Variants in EIF3H observed in about 807,000 individuals in gnomAD.
EIF3H encodes the protein eIF-3-gamma.
Under a neutral mutation model 44.2 loss-of-function variants are expected in EIF3H, and 26 were observed. The ratio of observed to expected loss-of-function variants is 0.59; its 90% confidence interval spans 0.43 to 0.82. EIF3H has a LOEUF of 0.82. EIF3H is among the 40% of genes least tolerant of loss of function. The pLI is 0.00. For missense variants in EIF3H, 359 were observed against 432.8 expected (o/e 0.83, Z 1.51); for synonymous variants, 166 against 151.9 (o/e 1.09, Z -0.68).
chr8:116,732,793 A>C (rs1814973282), intron 1 of EIF3H, among the ~76,000 whole-genome samples: 2 of 152,206 alleles, frequency 1.3e-5, no homozygotes, highest in East Asian at 3.9e-4. Flanking sequence ...TATTTTTAGA[A>C]CAGCAAGTCT....
At chr8:116,667,072 A>G (rs1186159091) in intron 2 of EIF3H, among the ~76,000 whole-genome samples, 1 of 152,200 alleles carries the variant, frequency 6.6e-6, no homozygotes, top group Non-Finnish European at 1.5e-5. Context: ...AAAACATCTT[A>G]ATTAGAATAT....
chr8:116,751,957 C>T (rs565699170), intron 1 of EIF3H, among the ~76,000 whole-genome samples: 1 of 152,254 alleles, frequency 6.6e-6, no homozygotes, highest in East Asian at 1.9e-4. Context: ...GTACTTTTAT[C>T]AACTTCGTTA....
At chr8:116,750,870 C>T (rs1011793886) in intron 1 of EIF3H, among the ~76,000 whole-genome samples, 1 of 152,068 alleles carries the variant, frequency 6.6e-6, no homozygotes, top group Non-Finnish European at 1.5e-5. Context: ...CTGAAAACAT[C>T]TAAGGAAAGA....
intron 2 of EIF3H, among the ~76,000 whole-genome samples, chr8:116,663,783 T>C (rs1213304725): frequency 6.6e-6 from 1 of 151,808 alleles, no homozygotes; most frequent in East Asian, 1.9e-4. Flanking sequence ...ATACAAAAAT[T>C]AGCCAGGCGT....
chr8:116,697,600 A>G (rs1814290615), intron 2 of EIF3H, among the ~76,000 whole-genome samples: 1 of 152,204 alleles, frequency 6.6e-6, no homozygotes, highest in South Asian at 2.1e-4. Context: ...ATTATGTTAC[A>G]AATTTATGTT....
At chr8:116,672,487 G>A (rs1475356093) in intron 2 of EIF3H, among the ~76,000 whole-genome samples, 7 of 152,062 alleles carry the variant, frequency 4.6e-5, no homozygotes, top group Non-Finnish European at 7.4e-5. Flanking sequence ...AGGCATGGTG[G>A]CTGTAGTCCT....
intron 6 of EIF3H, among the ~76,000 whole-genome samples, chr8:116,647,292 G>T (rs1329651130): frequency 6.6e-6 from 1 of 152,012 alleles, no homozygotes. Context: ...AGTACAGACA[G>T]GATTTTACCA....
chr8:116,644,685 C>T lies in EIF3H; in HGVS notation c.*321G>A, dbSNP rs1468901052. The T allele has an allele frequency of 2.1e-5, 5 of 232,976 alleles. No homozygotes were observed. Among genetic ancestry groups the T allele is most frequent in the Admixed American group, 1.0e-4 (2 of 19,320 alleles). The allele number at this position is 232,976 out of a possible 1,614,324, so 14.4% of individuals were successfully genotyped here. A position where few individuals can be genotyped will look rare whatever the true frequency, so the allele number is the denominator to read the frequency against. On this transcript the variant is annotated 3_prime_UTR_variant, in exon 8 of 8. Transcript: ENST00000521861. Reference sequence around the variant, plus strand: ...GGAGAAGTGGGTTGAAAGGTGGCACCTGAGAGGCAGCAAAAGTGGTGGAGC... The same window carrying T: ...GGAGAAGTGGGTTGAAAGGTGGCACTTGAGAGGCAGCAAAAGTGGTGGAGC...
At position 116,644,592 on chromosome 8, in the gene EIF3H, A is replaced by C. The variant is rs1813270069; in HGVS notation, c.*414T>G. ...CTCATTTGGGAGCAGCGAAGTATAA[A>C]AATTCAAAAAAAAAATATTCACAGT... On this transcript the variant is annotated 3_prime_UTR_variant, in exon 8 of 8. Coordinates refer to ENST00000521861, the MANE Select transcript of EIF3H (RefSeq NM_003756.3). The C allele has an allele frequency of 6.4e-6, 1 of 156,720 alleles. No homozygotes were observed. The highest frequency in any genetic ancestry group is 6.4e-5 in the Admixed American group (1 of 15,738). 9.7% of individuals were successfully genotyped at this position (156,720 alleles called of 1,614,324 possible). A position where few individuals can be genotyped will look rare whatever the true frequency, so the allele number is the denominator to read the frequency against.
chr8:116,676,593 T>C (rs1813851376), intron 2 of EIF3H, among the ~76,000 whole-genome samples: 1 of 152,164 alleles, frequency 6.6e-6, no homozygotes, highest in Non-Finnish European at 1.5e-5. Context: ...ATTATGGGGA[T>C]TACAATTCAA....
chr8:116,666,176 T>A (rs1159648168), intron 2 of EIF3H, among the ~76,000 whole-genome samples: 1 of 152,180 alleles, frequency 6.6e-6, no homozygotes, highest in Non-Finnish European at 1.5e-5. Context: ...AAATATTTTT[T>A]AAAATAATGG....
chr8:116,702,923 C>T (rs10089815), intron 2 of EIF3H, among the ~76,000 whole-genome samples: 82,517 of 151,842 alleles, frequency 0.54, 24,424 homozygotes, highest in Non-Finnish European at 0.67. Flanking sequence ...AAAACTGTTC[C>T]ACCTCAGATC....
At chr8:116,673,753 C>T (rs567815252) in intron 2 of EIF3H, among the ~76,000 whole-genome samples, 34 of 152,060 alleles carry the variant, frequency 2.2e-4, no homozygotes, top group Non-Finnish European at 4.0e-4. Context: ...TCATGCCACA[C>T]GTTTTTCATT....
intron 2 of EIF3H, among the ~76,000 whole-genome samples, chr8:116,716,241 C>T (rs1259818669): frequency 1.3e-5 from 2 of 152,090 alleles, no homozygotes; most frequent in African/African-American, 4.8e-5. Flanking sequence ...CTATGTTGCA[C>T]AGCTCCAAAG....
At chr8:116,653,398 G>A (rs933402480) in intron 5 of EIF3H, among the ~76,000 whole-genome samples, 7 of 132,690 alleles carry the variant, frequency 5.3e-5, no homozygotes, top group African/African-American at 1.7e-4. Flanking sequence ...CCTTAAAAGG[G>A]CATCAGAAAT....
intron 1 of EIF3H, among the ~76,000 whole-genome samples, chr8:116,753,369 G>C (rs1815390111): frequency 6.6e-6 from 1 of 152,020 alleles, no homozygotes; most frequent in Admixed American, 6.6e-5. Flanking sequence ...CTCTTATTAT[G>C]ATTGATTTTG....
At chr8:116,743,571 C>T (rs1203997108) in intron 1 of EIF3H, among the ~76,000 whole-genome samples, 3 of 151,790 alleles carry the variant, frequency 2.0e-5, no homozygotes, top group Admixed American at 6.6e-5. Flanking sequence ...TGGCGAAACC[C>T]CATCTCTACT....
intron 2 of EIF3H, among the ~76,000 whole-genome samples, chr8:116,714,288 C>T (rs1025183352): frequency 1.3e-5 from 2 of 152,084 alleles, no homozygotes; most frequent in Non-Finnish European, 2.9e-5. Flanking sequence ...TCTATAGAAT[C>T]AAACTTCACC....
chr8:116,663,189 T>G (rs900350700), intron 2 of EIF3H, among the ~76,000 whole-genome samples: 3 of 151,894 alleles, frequency 2.0e-5, no homozygotes, highest in African/African-American at 7.3e-5. Flanking sequence ...GGCTCAGGAG[T>G]GGCTCACACC....
Sources: allele counts gnomAD v4.1 joint callset (sites outside exome capture counted in the v4.1 genomes callset), GRCh38; gene constraint gnomAD v4.1.1; transcripts MANE v1.5; gene names NCBI Gene and HGNC (gene_info 2026-07-23, HGNC 2026-07-21).